The following CLCNKB variants were observed in gnomAD, a reference collection of about 807,000 sequenced individuals.
CLCNKB encodes chloride voltage-gated channel Kb.
CLCNKB carries 74 observed loss-of-function variants against 83.8 expected under a neutral mutation model. The ratio of observed to expected loss-of-function variants is 0.88; its 90% CI spans 0.73 to 1.07. The LOEUF (loss-of-function observed/expected upper bound fraction) is 1.07, where lower values mean the gene tolerates loss of function less well. Ranked by LOEUF, CLCNKB falls within the 50% of genes least tolerant of loss-of-function variation. The pLI, the probability that CLCNKB is intolerant of heterozygous loss-of-function variation, is 0.00. For synonymous variants in CLCNKB, 358 were observed against 356.6 expected, an observed-to-expected ratio of 1.00 and a Z score of -0.04; for missense variants, 798 against 893.6, an observed-to-expected ratio of 0.89 and a Z score of 1.36.
intron 18 of CLCNKB, 56 bp downstream of exon 18, chr1:16,055,814 T>G (rs973828565): frequency 5.2e-6 from 8 of 1,530,578 alleles, no homozygotes; most frequent in Non-Finnish European, 7.2e-6. Context: ...GGGGAAGAGC[T>G]GATGAGGAGC....
chr1:16,055,541 G>C lies in CLCNKB; in HGVS notation c.1845+18G>C, dbSNP rs746651762. The C allele has an allele frequency of 5.2e-6, 8 of 1,542,162 alleles. No individual in the cohort carries two copies. The Admixed American group carries it at 8.4e-5, about 16-fold the overall frequency. ...GACACCAGGTGGGTACTCCTGAGGG[G>C]CATGGGGATGGGGCGGGGGTGGGTC... is the stretch of plus-strand genomic sequence containing the variant. On this transcript the variant is annotated intron_variant, in intron 17 of 19. Coordinates refer to ENST00000375679, the MANE Select transcript of CLCNKB (RefSeq NM_000085.5).
rs773916073 is a variant in CLCNKB, at chr1:16,050,925, G to A, written c.1104G>A (p.Ala368=). ...LDSLFDNHSW[A]LMTQNSSPPW... ...CGCTGTTCGACAACCACTCCTGGGC[G>A]CTGATGACCCAGAACTCCAGCCCAC... Residue 368 remains alanine, a synonymous_variant, in exon 12 of 20, where the codon GCG becomes GCA. Transcript: ENST00000375679. 2.3e-5 allele frequency: 37 copies of A among 1,612,926 alleles called. No homozygotes were observed. The highest frequency in any genetic ancestry group is 1.8e-4 in the Middle Eastern group (1 of 5,452).
At chr1:16,052,454 G>A in intron 15 of CLCNKB, 43 bp downstream of exon 15, 2 of 1,607,032 alleles carry the variant, frequency 1.2e-6, no homozygotes, top group Non-Finnish European at 1.7e-6. Flanking sequence ...GGGTCACAGT[G>A]TTTGGGAAGG....
At chr1:16,048,172 C>A in intron 5 of CLCNKB, 128 bp downstream of exon 5, 1 of 1,452,600 alleles carries the variant, frequency 6.9e-7, no homozygotes, top group South Asian at 1.2e-5. Context: ...GGAACTCAGT[C>A]TTGGGGGAAG....
At chr1:16,052,171 C>T (rs370147789) in intron 14 of CLCNKB, 27 bp from the exon 15 acceptor site, 3 of 1,612,084 alleles carry the variant, frequency 1.9e-6, no homozygotes, top group Non-Finnish European at 2.5e-6. Flanking sequence ...CTGGCCTGAG[C>T]TGCCCTGCCT....
chr1:16,050,706 A>G lies in CLCNKB; in HGVS notation c.1053+106A>G, dbSNP rs529744442. The G allele has an allele frequency of 6.5e-5, 96 of 1,484,514 alleles. No homozygotes were observed. In the African/African-American group the frequency reaches 1.3e-3, roughly 20 times the overall value. 92.0% of individuals were successfully genotyped at this position (1,484,514 alleles called of 1,614,324 possible). ...CAATACCCCATAAGGGAGATGCCTC[A>G]GCATTATTTTATAGATGATACTACA... On this transcript the variant is annotated intron_variant, in intron 11 of 19. Coordinates refer to ENST00000375679, the MANE Select transcript of CLCNKB (RefSeq NM_000085.5).
chr1:16,045,175 C>T (rs1354703442), intron 2 of CLCNKB, among the ~76,000 whole-genome samples: 1 of 152,192 alleles, frequency 6.6e-6, no homozygotes, highest in African/African-American at 2.4e-5. Context: ...TCCTGGGACA[C>T]GCAGGAGTCT....
At chr1:16,052,952 A>G (rs2023339704) in intron 15 of CLCNKB, among the ~76,000 whole-genome samples, 1 of 152,106 alleles carries the variant, frequency 6.6e-6, no homozygotes, top group Non-Finnish European at 1.5e-5. Context: ...CTTGCTCTGA[A>G]CCCGTTTCCC....
chr1:16,055,569 C>A (rs2023412791), intron 17 of CLCNKB, 46 bp downstream of exon 17: 2 of 1,523,544 alleles, frequency 1.3e-6, no homozygotes, highest in Non-Finnish European at 1.8e-6. Flanking sequence ...GGTGGGTCAG[C>A]AGGAATGGGA....
intron 4 of CLCNKB, among the ~76,000 whole-genome samples, chr1:16,047,445 GAAAC>G (rs34324462): frequency 0.012 from 1,754 of 150,462 alleles, 29 homozygotes; most frequent in African/African-American, 0.031. Context: ...ACCCCTGTCT[GAAAC>G]AAACAAACAA....
At chr1:16,051,448 A>C in intron 12 of CLCNKB, 30 bp from the exon 13 acceptor site, 1 of 1,612,748 alleles carries the variant, frequency 6.2e-7, no homozygotes, top group East Asian at 2.2e-5. Flanking sequence ...GCAGCCTCTA[A>C]CCTCTGCCCT....
chr1:16,050,023 T>TG (rs1553127751), intron 10 of CLCNKB, 107 bp downstream of exon 10: 14,961 of 668,098 alleles, frequency 0.022, 5,437 homozygotes, highest in South Asian at 0.042. Context: ...CTAAAGCCCA[T>TG]CCTAGCCCAT....
At chr1:16,053,528 A>G in intron 15 of CLCNKB, 111 bp from the exon 16 acceptor site, 2 of 1,506,890 alleles carry the variant, frequency 1.3e-6, no homozygotes, top group Non-Finnish European at 9.1e-7. Context: ...CCCTGCCCAC[A>G]CTCCAGAGCC....
At chr1:16,045,453 T>TC in intron 2 of CLCNKB, 105 bp from the exon 3 acceptor site, 1 of 1,389,318 alleles carries the variant, frequency 7.2e-7, no homozygotes. Context: ...CCAAGCTCCA[T>TC]CCCCCTGCCC....
intron 2 of CLCNKB, 106 bp downstream of exon 2, chr1:16,044,698 A>C: frequency 1.0e-6 from 1 of 978,356 alleles, no homozygotes; most frequent in Non-Finnish European, 1.6e-6. Flanking sequence ...TCCTCCTGGC[A>C]TTTGTCCAGG....
Position 16,049,243 on chromosome 1 carries a change from A to G in CLCNKB, c.779A>G (p.Gln260Arg), listed in dbSNP as rs2124094981. ...FRLLAVFNSE[Q>R]ETITSLYKTS... ...CTCCTGGCGGTCTTCAACAGCGAGC[A>G]GGGTGAGCCCCCTGGGCTGCCTGAC... Residue 260 changes from glutamine to arginine, a missense_variant and splice_region_variant, in exon 8 of 20, where the codon CAG (glutamine) becomes CGG (arginine). Coordinates refer to ENST00000375679, the MANE Select transcript of CLCNKB (RefSeq NM_000085.5). 2 of 1,613,800 alleles carry G rather than the reference A, an allele frequency of 1.2e-6. No homozygotes were observed. Among genetic ancestry groups the G allele is most frequent in the Non-Finnish European group, 1.7e-6 (2 of 1,179,920 alleles).
At chr1:16,053,546 C>G (rs984305838) in intron 15 of CLCNKB, 93 bp from the exon 16 acceptor site, 95 of 1,588,742 alleles carry the variant, frequency 6.0e-5, no homozygotes, top group Non-Finnish European at 7.6e-5. Context: ...GCCGTGGGTC[C>G]CCGGTTCAAG....
rs760037397 is a variant in CLCNKB at position 16,052,305 on chromosome 1, C to T, written c.1516C>T (p.Leu506=). 6.2e-7 allele frequency: 1 copy of T among 1,613,058 alleles called. No homozygotes were observed. The highest frequency in any genetic ancestry group is 1.3e-5 in the African/African-American group (1 of 74,920). Residue 506 remains leucine (L), a synonymous_variant, in exon 15 of 20, where the codon CTG becomes TTG. Transcript: ENST00000375679. ...TGCACTGCCCGTGCTGATGGCGGTG[C>T]TGGCAGCCAACGCCATTGCACAGAG... ...VHALPVLMAV[L]AANAIAQSCQ...
chr1:16,055,886 C>G, intron 18 of CLCNKB, 128 bp downstream of exon 18: 1 of 857,270 alleles, frequency 1.2e-6, no homozygotes, highest in African/African-American at 1.7e-5. Context: ...CCTGCTCCTC[C>G]TGGGCCAGTG....
Sources: gnomAD v4.1 joint callset for allele counts (sites outside exome capture counted in the v4.1 genomes callset) on GRCh38, gnomAD v4.1.1 for gene constraint, MANE v1.5 for transcripts, NCBI Gene and HGNC (gene_info 2026-07-23, HGNC 2026-07-21) for gene names.